ADAM23: variants seen among roughly 807,000 people sequenced by gnomAD.
ADAM23 encodes ADAM metallopeptidase domain 23.
In ADAM23, 33 loss-of-function variants were observed where a neutral mutation model predicts 120.1. The observed-to-expected ratio is 0.27, with a 90% CI of 0.21 to 0.37. The LOEUF (loss-of-function observed/expected upper bound fraction) is 0.37. ADAM23 is among the 10% of genes least tolerant of loss of function. The probability of loss-of-function intolerance (pLI) is 1.00; values close to 1 mark genes in which losing one functional copy is unlikely to be tolerated. For missense variants in ADAM23, 862 were observed against 1,058.2 expected (o/e 0.81, Z 2.57); for synonymous variants, 367 against 375.2 (o/e 0.98, Z 0.25).
chr2:206,564,399 T>A (rs1168846006), intron 13 of ADAM23, among the ~76,000 whole-genome samples: 3 of 152,344 alleles, frequency 2.0e-5, no homozygotes, highest in Admixed American at 6.5e-5. Context: ...TAGCATAGTG[T>A]TCATTCAAGT....
chr2:206,458,740 C>T (rs560187201), intron 2 of ADAM23, among the ~76,000 whole-genome samples: 5 of 152,268 alleles, frequency 3.3e-5, no homozygotes, highest in South Asian at 4.1e-4. Context: ...ATAATTTCCC[C>T]AAGATGTATT....
chr2:206,515,413 C>CGCTCCATGAGATTT (rs528117209), intron 3 of ADAM23, among the ~76,000 whole-genome samples: 2 of 152,050 alleles, frequency 1.3e-5, no homozygotes, highest in African/African-American at 4.8e-5. Context: ...TGTGGTGGCA[C>CGCTCCATGAGATTT]GCTCCATGAG....
At chr2:206,471,264 C>G (rs2105868828) in intron 2 of ADAM23, among the ~76,000 whole-genome samples, 1 of 152,314 alleles carries the variant, frequency 6.6e-6, no homozygotes, top group South Asian at 2.1e-4. Flanking sequence ...TGTATAATTA[C>G]TGTACCATAA....
intron 9 of ADAM23, among the ~76,000 whole-genome samples, chr2:206,553,127 CA>C (rs1194827103): frequency 6.6e-6 from 1 of 152,156 alleles, no homozygotes; most frequent in East Asian, 1.9e-4. Context: ...CCTATAATCG[CA>C]GCACTTTGGG....
chr2:206,579,258 T>A (rs1698177050), intron 18 of ADAM23, among the ~76,000 whole-genome samples: 1 of 152,232 alleles, frequency 6.6e-6, no homozygotes, highest in Non-Finnish European at 1.5e-5. Flanking sequence ...CTATTTATCT[T>A]TGTTTTTATT....
intron 9 of ADAM23, among the ~76,000 whole-genome samples, chr2:206,552,070 T>C (rs929591044): frequency 1.3e-5 from 2 of 152,204 alleles, no homozygotes; most frequent in African/African-American, 4.8e-5. Context: ...CATTGAGATT[T>C]TTTTTCCCAG....
intron 13 of ADAM23, among the ~76,000 whole-genome samples, chr2:206,564,310 G>T (rs950968603): frequency 2.0e-5 from 3 of 152,078 alleles, no homozygotes; most frequent in African/African-American, 4.8e-5. Flanking sequence ...TCAGTTTCTG[G>T]TATCGAAGTT....
intron 21 of ADAM23, among the ~76,000 whole-genome samples, chr2:206,589,914 C>G (rs1698393954): frequency 6.6e-6 from 1 of 152,060 alleles, no homozygotes; most frequent in Admixed American, 6.6e-5. Flanking sequence ...ATTTTTGCGA[C>G]CAACGTGAAA....
chr2:206,539,712 C>T (rs566266030), intron 4 of ADAM23, among the ~76,000 whole-genome samples: 2 of 152,272 alleles, frequency 1.3e-5, no homozygotes, highest in Admixed American at 1.3e-4. Context: ...TTATGCTTGG[C>T]ACCCAAGATG....
chr2:206,534,340 C>T (rs1200722995), intron 4 of ADAM23, among the ~76,000 whole-genome samples: 1 of 152,118 alleles, frequency 6.6e-6, no homozygotes, highest in Non-Finnish European at 1.5e-5. Flanking sequence ...ATAGAAATTA[C>T]ATATATTTAA....
At chr2:206,476,533 A>G (rs1385603559) in intron 2 of ADAM23, among the ~76,000 whole-genome samples, 1 of 152,112 alleles carries the variant, frequency 6.6e-6, no homozygotes, top group Non-Finnish European at 1.5e-5. Context: ...TGTGAACTGC[A>G]CGTGCGATGG....
At chr2:206,472,602 C>T (rs1469759600) in intron 2 of ADAM23, among the ~76,000 whole-genome samples, 3 of 124,318 alleles carry the variant, frequency 2.4e-5, no homozygotes, top group Non-Finnish European at 3.3e-5. Context: ...CAAAGCGAGA[C>T]TCCATCTCAG....
chr2:206,500,993 CTTT>C (rs201894596), intron 3 of ADAM23, among the ~76,000 whole-genome samples: 2 of 142,646 alleles, frequency 1.4e-5, no homozygotes. Context: ...GAGCCACTCA[CTTT>C]TTTTTTTTTT....
chr2:206,548,702 A>G (rs889638142), intron 8 of ADAM23, among the ~76,000 whole-genome samples: 2 of 152,174 alleles, frequency 1.3e-5, no homozygotes, highest in African/African-American at 4.8e-5. Flanking sequence ...TGGCTTATAT[A>G]GTGTCATATA....
rs554121563 is a variant in ADAM23, at chr2:206,533,843, G to A, written c.573+2895G>A. On this transcript the variant is annotated intron_variant, in intron 4 of 25. Coordinates refer to ENST00000264377, the MANE Select transcript of ADAM23 (RefSeq NM_003812.4). ...GGAGCTCGAGAGGTCCAAAAGAAGC[G>A]TGTAATATGAATGCTAGGTATCAGT... Among the ~76,000 whole-genome samples the A allele has an allele frequency of 7.2e-5, 11 of 152,282 alleles. 1 individual carries two copies. The highest frequency in any genetic ancestry group is 3.9e-4 in the East Asian group (2 of 5,182).
chr2:206,493,647 C>G (rs1279990987), intron 3 of ADAM23, among the ~76,000 whole-genome samples: 1 of 152,264 alleles, frequency 6.6e-6, no homozygotes, highest in Non-Finnish European at 1.5e-5. Flanking sequence ...GCTGGGATTA[C>G]AGGCGTGAGC....
intron 13 of ADAM23, among the ~76,000 whole-genome samples, chr2:206,564,407 A>G (rs928440657): frequency 3.9e-5 from 6 of 152,212 alleles, no homozygotes; most frequent in African/African-American, 4.8e-5. Flanking sequence ...TGTTCATTCA[A>G]GTCTCTTGCT....
intron 2 of ADAM23, among the ~76,000 whole-genome samples, chr2:206,455,889 T>A (rs1695287858): frequency 6.6e-6 from 1 of 152,146 alleles, no homozygotes; most frequent in South Asian, 2.1e-4. Flanking sequence ...GCATTTTGGT[T>A]AAAATCATTC....
At chr2:206,523,676 C>T (rs918147944) in intron 3 of ADAM23, among the ~76,000 whole-genome samples, 2 of 151,766 alleles carry the variant, frequency 1.3e-5, no homozygotes, top group African/African-American at 4.8e-5. Context: ...AATTGTTATA[C>T]TTTTAAAGTC....
Sources: allele counts gnomAD v4.1 joint callset (sites outside exome capture counted in the v4.1 genomes callset), GRCh38; gene constraint gnomAD v4.1.1; transcripts MANE v1.5; gene names NCBI Gene and HGNC (gene_info 2026-07-23, HGNC 2026-07-21).